Variants in TMEM260 observed in about 807,000 individuals in gnomAD.
TMEM260 encodes the protein transmembrane protein 260.
A neutral mutation model predicts 88.9 loss-of-function variants in TMEM260; 82 were observed. The ratio of observed to expected loss-of-function variants is 0.92; its 90% confidence interval spans 0.77 to 1.11. TMEM260 has a LOEUF of 1.11. TMEM260 is among the 50% of genes least tolerant of loss of function. The pLI is 0.00. For missense variants in TMEM260, 902 were observed against 853.4 expected (o/e 1.06, Z -0.71); for synonymous variants, 314 against 309.3 (o/e 1.02, Z -0.16).
At chr14:56,598,448 G>A (rs1174739699) in intron 3 of TMEM260, among the ~76,000 whole-genome samples, 2 of 152,138 alleles carry the variant, frequency 1.3e-5, no homozygotes, top group Non-Finnish European at 2.9e-5. Flanking sequence ...GGTAGATGCT[G>A]CAGATGTGGA....
intron 3 of TMEM260, among the ~76,000 whole-genome samples, chr14:56,589,967 C>T (rs941114121): frequency 6.6e-6 from 1 of 152,082 alleles, no homozygotes; most frequent in Non-Finnish European, 1.5e-5. Context: ...AGATTATTGC[C>T]ATAGAGAATA....
downstream of TMEM260, among the ~76,000 whole-genome samples, chr14:56,654,802 G>A (rs1333386299): frequency 1.1e-5 from 1 of 91,664 alleles, no homozygotes; most frequent in Non-Finnish European, 1.9e-5. Context: ...CAACAAGAGC[G>A]AAACTCCATC....
intron 15 of TMEM260, among the ~76,000 whole-genome samples, chr14:56,638,958 T>G (rs892749368): frequency 2.0e-5 from 3 of 152,144 alleles, no homozygotes; most frequent in Non-Finnish European, 4.4e-5. Context: ...CAAGATATGG[T>G]ACATGTGACT....
At position 56,620,903 on chromosome 14, in the gene TMEM260, G is replaced by T. The variant is rs1887875084; in HGVS notation, c.1227-628G>T. On this transcript the variant is annotated intron_variant, in intron 10 of 15. Transcript: ENST00000261556. ...AGAAAGTTAACTTCATTCTTGAAAA[G>T]AATGAAGTTATTGGCAATAGCAAAT... Among the ~76,000 whole-genome samples, 5 of 152,184 alleles carry T rather than the reference G, an allele frequency of 3.3e-5. No individual in the cohort carries two copies. In the South Asian group the frequency reaches 1.0e-3, roughly 32 times the overall value.
chr14:56,644,118 G>C (rs533208900), intron 15 of TMEM260, among the ~76,000 whole-genome samples: 37 of 152,246 alleles, frequency 2.4e-4, no homozygotes, highest in African/African-American at 8.7e-4. Flanking sequence ...TCCCCATCAA[G>C]CTACCAATGA....
intron 3 of TMEM260, among the ~76,000 whole-genome samples, chr14:56,595,151 A>G (rs1324361522): frequency 1.3e-5 from 2 of 152,330 alleles, no homozygotes; most frequent in Admixed American, 6.5e-5. Flanking sequence ...CAGATGATAA[A>G]AGTGCTTCTC....
chr14:56,657,594 C>T, the TMEM260 span, among the ~76,000 whole-genome samples: 1 of 152,228 alleles, frequency 6.6e-6, no homozygotes, highest in Non-Finnish European at 1.5e-5. Flanking sequence ...AAATGCCAAA[C>T]TAAAAATCTG....
At chr14:56,649,627 C>T (rs563345814), downstream of TMEM260, 75 of 154,274 alleles carry the variant, frequency 4.9e-4, no homozygotes, top group Non-Finnish European at 1.0e-3. Context: ...TCTACATACG[C>T]ATGTGGTGTT....
intron 12 of TMEM260, among the ~76,000 whole-genome samples, chr14:56,628,951 A>C (rs1888408030): frequency 6.6e-6 from 1 of 151,236 alleles, no homozygotes; most frequent in Admixed American, 6.6e-5. Context: ...GCAGGAGTAC[A>C]GTGGCACAAT....
chr14:56,609,507 A>G (rs903844819), intron 6 of TMEM260, among the ~76,000 whole-genome samples: 3 of 152,210 alleles, frequency 2.0e-5, no homozygotes, highest in Admixed American at 2.0e-4. Flanking sequence ...TATCCTGAAT[A>G]TACTTTTTAG....
chr14:56,633,670 T>C (rs1304964791), intron 13 of TMEM260, among the ~76,000 whole-genome samples: 1 of 152,160 alleles, frequency 6.6e-6, no homozygotes, highest in Non-Finnish European at 1.5e-5. Flanking sequence ...AATCTGGTTA[T>C]GTTGTTGGGG....
the TMEM260 span, among the ~76,000 whole-genome samples, chr14:56,655,684 T>C: frequency 1.2e-4 from 19 of 152,188 alleles, no homozygotes; most frequent in Non-Finnish European, 2.4e-4. Flanking sequence ...GACTAGAACT[T>C]TATTTTATGG....
At chr14:56,594,747 A>G (rs557917992) in intron 3 of TMEM260, among the ~76,000 whole-genome samples, 142 of 152,346 alleles carry the variant, frequency 9.3e-4, no homozygotes, top group African/African-American at 3.4e-3. Flanking sequence ...CAGGTTGGAC[A>G]TTCCTTCCAT....
chr14:56,647,198 G>A (rs773731048), intron 15 of TMEM260, 45 bp from the exon 16 acceptor site: 13 of 1,505,128 alleles, frequency 8.6e-6, no homozygotes, highest in East Asian at 4.8e-5. Flanking sequence ...AAAAAAAAAA[G>A]TCAAAGAATA....
chr14:56,655,335 A>C (rs1184059970), downstream of TMEM260, among the ~76,000 whole-genome samples: 1 of 150,900 alleles, frequency 6.6e-6, no homozygotes, highest in Non-Finnish European at 1.5e-5. Flanking sequence ...GGCTGCAGTG[A>C]GCTATCACGC....
At chr14:56,633,772 G>GT (rs1457999240) in intron 13 of TMEM260, among the ~76,000 whole-genome samples, 3 of 152,046 alleles carry the variant, frequency 2.0e-5, no homozygotes, top group Admixed American at 6.6e-5. Flanking sequence ...TATCTATGGA[G>GT]TAGTGATTCT....
At chr14:56,605,522 GTTTTAGGTGAATTTTTTAC>G in intron 4 of TMEM260, 29 bp from the exon 5 acceptor site, 1 of 1,086,650 alleles carries the variant, frequency 9.2e-7, no homozygotes, top group Non-Finnish European at 1.3e-6. Flanking sequence ...TGTTCTTAGA[GTTTTAGGTGAATTTTTTAC>G]TTAATTTTTT....
intron 10 of TMEM260, 33 bp downstream of exon 10, chr14:56,618,796 G>C: frequency 3.1e-6 from 5 of 1,592,050 alleles, no homozygotes; most frequent in Non-Finnish European, 4.3e-6. Flanking sequence ...AAAAGTAGCT[G>C]TCAAGCCAGA....
intron 15 of TMEM260, among the ~76,000 whole-genome samples, chr14:56,639,059 T>C (rs1041713454): frequency 6.6e-6 from 1 of 152,176 alleles, no homozygotes; most frequent in Non-Finnish European, 1.5e-5. Context: ...TGAAGACTAG[T>C]AGGTGGGTCA....
Sources: allele counts gnomAD v4.1 joint callset (sites outside exome capture counted in the v4.1 genomes callset), GRCh38; gene constraint gnomAD v4.1.1; transcripts MANE v1.5; gene names NCBI Gene and HGNC (gene_info 2026-07-23, HGNC 2026-07-21).